Variants in ATE1 observed in about 807,000 individuals in gnomAD.
ATE1 encodes the protein arginyltransferase 1, also known as arginyl-tRNA--protein transferase 1.
Under a neutral mutation model 70.5 loss-of-function variants are expected in ATE1, and 36 were observed. The ratio of observed to expected loss-of-function variants is 0.51; its 90% confidence interval spans 0.39 to 0.67. The LOEUF (loss-of-function observed/expected upper bound fraction) is 0.67. Among genes scored for constraint, ATE1 ranks in the 30% least tolerant of loss-of-function variants. The pLI is 0.00. For synonymous variants in ATE1, 232 were observed against 219.3 expected (o/e 1.06, Z -0.51); for missense variants, 593 against 629.5 (o/e 0.94, Z 0.62).
chr10:121,871,580 A>C (rs1296905494), intron 7 of ATE1, among the ~76,000 whole-genome samples: 1 of 152,238 alleles, frequency 6.6e-6, no homozygotes. Flanking sequence ...TTTCCATAAC[A>C]AAGTTTTAAA....
At chr10:121,852,404 T>A in intron 8 of ATE1, among the ~76,000 whole-genome samples, 1 of 148,630 alleles carries the variant, frequency 6.7e-6, no homozygotes, top group Non-Finnish European at 1.5e-5. Flanking sequence ...TTTTGCTTTT[T>A]TATTTTTTTT....
intron 10 of ATE1, among the ~76,000 whole-genome samples, chr10:121,825,279 A>G (rs1179817500): frequency 6.6e-6 from 1 of 152,216 alleles, no homozygotes; most frequent in African/African-American, 2.4e-5. Flanking sequence ...ACTCATTTCT[A>G]TTGAAGTTTT....
At chr10:121,894,762 G>A (rs367729531) in intron 7 of ATE1, among the ~76,000 whole-genome samples, 1 of 151,978 alleles carries the variant, frequency 6.6e-6, no homozygotes, top group Non-Finnish European at 1.5e-5. Context: ...TTAGCCGGGC[G>A]TGGTGGCGGG....
At chr10:121,909,005 T>G (rs1015907152) in intron 5 of ATE1, among the ~76,000 whole-genome samples, 1 of 152,208 alleles carries the variant, frequency 6.6e-6, no homozygotes, top group African/African-American at 2.4e-5. Context: ...GTTGTTGTTT[T>G]GAGACAGGGT....
At chr10:121,894,029 A>G (rs1169216703) in intron 7 of ATE1, among the ~76,000 whole-genome samples, 3 of 151,262 alleles carry the variant, frequency 2.0e-5, no homozygotes, top group African/African-American at 4.9e-5. Context: ...CCCAGCTACT[A>G]GGTAGGCTGA....
At chr10:121,766,681 C>G (rs1321911221) in intron 11 of ATE1, among the ~76,000 whole-genome samples, 1 of 151,890 alleles carries the variant, frequency 6.6e-6, no homozygotes, top group Non-Finnish European at 1.5e-5. Context: ...AAAAGCAAAA[C>G]AAAAACAAAA....
At chr10:121,857,072 CTTTT>C (rs1188869833) in intron 8 of ATE1, among the ~76,000 whole-genome samples, 1 of 152,082 alleles carries the variant, frequency 6.6e-6, no homozygotes, top group African/African-American at 2.4e-5. Context: ...GTTTGAACCA[CTTTT>C]TTATTTTTAT....
At position 121,910,909 on chromosome 10, in the gene ATE1, G is replaced by A. The variant is rs747409744; in HGVS notation, c.580C>T (p.Pro194Ser). ...TGGTATCAAAAATCTTTACTACCTG[G>A]CTTAGGAACTGTGTGAACTTTAACT... Reference protein sequence around the residue: ...HSVKVHTVPKPGKGADLSKPP... With the variant: ...HSVKVHTVPKSGKGADLSKPP... Residue 194 changes from proline (P) to serine (S), a missense_variant, in exon 5 of 12, where the codon CCA (proline) becomes TCA (serine). Around this residue, in one of 3 missense-constraint regions of ATE1, gnomAD observed 467 missense variants for 469.6 expected, o/e 0.99. Transcript: ENST00000224652. 1.5e-5 allele frequency: 25 copies of A among 1,612,968 alleles called. No individual in the cohort carries two copies. Among genetic ancestry groups the A allele is most frequent in the Non-Finnish European group, 2.1e-5 (25 of 1,179,832 alleles).
intron 7 of ATE1, among the ~76,000 whole-genome samples, chr10:121,871,925 G>C (rs10887005): frequency 0.27 from 41,172 of 152,070 alleles, 6,605 homozygotes; most frequent in South Asian, 0.43. Context: ...TGCAAGCTTT[G>C]TGGTCTTGGA....
chr10:121,879,852 C>A (rs1950174777), intron 7 of ATE1, among the ~76,000 whole-genome samples: 1 of 152,114 alleles, frequency 6.6e-6, no homozygotes, highest in Non-Finnish European at 1.5e-5. Flanking sequence ...TAGCTTCCTG[C>A]AGAAAAACTT....
rs112026227 is a variant in ATE1 at position 121,913,687 on chromosome 10, A to C, written c.337+103T>G. The C allele has an allele frequency of 0.054, 36,107 of 662,812 alleles. 1,282 individuals are homozygous for C. Among genetic ancestry groups the C allele is most frequent in the Middle Eastern group, 0.092 (357 of 3,872 alleles). 41.1% of individuals were successfully genotyped at this position (662,812 alleles called of 1,614,324 possible). On this transcript the variant is annotated intron_variant, in intron 4 of 11. Coordinates refer to ENST00000224652, the MANE Select transcript of ATE1 (RefSeq NM_001001976.3). ...TAGTCGCTGTCATCATAGTAGTAGC[A>C]GTACATGACTGTATTAATGACCCTT...
In ATE1 at chr10:121,911,455, A is replaced by AAC. The variant is rs568662631; in HGVS notation, c.338-305_338-304insGT. Among the ~76,000 whole-genome samples the AAC allele has an allele frequency of 9.2e-3, 1,398 of 151,808 alleles. 11 individuals carry two copies. The highest frequency in any genetic ancestry group is 0.013 in the Non-Finnish European group (895 of 67,888). ...TCTACAGTAAATTAAAAAAAAAAAA[A>AAC]AAAAACAAAAACTGTGGCGCCCTAG... On this transcript the variant is annotated intron_variant, in intron 4 of 11. Transcript: ENST00000224652.
intron 8 of ATE1, among the ~76,000 whole-genome samples, chr10:121,855,780 G>A (rs1489262679): frequency 6.6e-6 from 1 of 152,040 alleles, no homozygotes; most frequent in Non-Finnish European, 1.5e-5. Context: ...ACATTTTTAA[G>A]AATCCAAGTA....
At chr10:121,795,384 C>T (rs1403583383) in intron 10 of ATE1, among the ~76,000 whole-genome samples, 2 of 152,136 alleles carry the variant, frequency 1.3e-5, no homozygotes, top group Admixed American at 1.3e-4. Context: ...AATTCACAAC[C>T]TACTGGGAGT....
At chr10:121,857,043 TA>T (rs1949275200) in intron 8 of ATE1, among the ~76,000 whole-genome samples, 1 of 152,250 alleles carries the variant, frequency 6.6e-6, no homozygotes, top group Non-Finnish European at 1.5e-5. Flanking sequence ...TTATTTATAG[TA>T]AAACATCCAT....
At chr10:121,914,541 C>T (rs1045784794) in intron 3 of ATE1, among the ~76,000 whole-genome samples, 1 of 151,734 alleles carries the variant, frequency 6.6e-6, no homozygotes, top group African/African-American at 2.4e-5. Flanking sequence ...TCTATATTAC[C>T]CTTAAAAGTC....
At chr10:121,869,222 C>G (rs1949767433) in intron 8 of ATE1, among the ~76,000 whole-genome samples, 1 of 152,174 alleles carries the variant, frequency 6.6e-6, no homozygotes, top group African/African-American at 2.4e-5. Flanking sequence ...AGGCTCAGGG[C>G]AGTTGTGATT....
chr10:121,849,639 G>A lies in ATE1; in HGVS notation c.976-8376C>T, dbSNP rs576059296. ...ATGATCCAAGAAAAGCAGGTCAGAG[G>A]CCATTTTCCTAAAAGATAACTGGTC... is the stretch of plus-strand genomic sequence containing the variant. On this transcript the variant is annotated intron_variant, in intron 8 of 11. Transcript: ENST00000224652. Among the ~76,000 whole-genome samples the A allele has an allele frequency of 1.2e-4, 19 of 152,274 alleles. No individual in the cohort carries two copies. The South Asian group carries it at 3.7e-3, about 30-fold the overall frequency.
intron 10 of ATE1, among the ~76,000 whole-genome samples, chr10:121,816,725 C>T (rs1157390504): frequency 6.6e-6 from 1 of 152,148 alleles, no homozygotes; most frequent in Non-Finnish European, 1.5e-5. Flanking sequence ...TTATAAATTA[C>T]CCAGTCTCAG....
Sources: allele counts gnomAD v4.1 joint callset (sites outside exome capture counted in the v4.1 genomes callset), GRCh38; gene constraint gnomAD v4.1.1; regional missense constraint gnomAD v4.1.1; transcripts MANE v1.5; gene names NCBI Gene and HGNC (gene_info 2026-07-23, HGNC 2026-07-21).